Variants in ERC2 observed in about 807,000 individuals in gnomAD.
ERC2 encodes the protein ERC protein 2.
ERC2 carries 42 observed loss-of-function variants against 114.8 expected under a neutral mutation model. The ratio of observed to expected loss-of-function variants is 0.37; its 90% CI spans 0.29 to 0.47. The LOEUF is 0.47. Among genes scored for constraint, ERC2 ranks in the 20% least tolerant of loss-of-function variants. The pLI, the probability that ERC2 is intolerant of heterozygous loss-of-function variation, is 0.99. For missense variants in ERC2, 939 were observed against 1,150.7 expected, an observed-to-expected ratio of 0.82 and a Z score of 2.66; for synonymous variants, 454 against 425.5, an observed-to-expected ratio of 1.07 and a Z score of -0.82.
At chr3:56,317,136 A>T (rs2056902735) in intron 2 of ERC2, among the ~76,000 whole-genome samples, 1 of 152,230 alleles carries the variant, frequency 6.6e-6, no homozygotes, top group Admixed American at 6.5e-5. Flanking sequence ...GGGAATGTGT[A>T]CAAAGTGCTG....
chr3:56,394,237 T>C (rs1308632935), intron 2 of ERC2, among the ~76,000 whole-genome samples: 2 of 152,212 alleles, frequency 1.3e-5, no homozygotes, highest in South Asian at 2.1e-4. Flanking sequence ...AATAAAACTT[T>C]AATGAGAATC....
Position 55,683,996 on chromosome 3 carries a change from GA to G in ERC2, c.2848-138del, listed in dbSNP as rs1002663613. ...TTGTTTTTTAATCTTCAAGACTGAA[GA>G]AAAAAATCCATAGTAACTTAAATTC... On this transcript the variant is annotated intron_variant, in intron 16 of 17. Transcript: ENST00000288221. The G allele has an allele frequency of 1.7e-5, 16 of 917,610 alleles. No individual in the cohort carries two copies. The East Asian group carries it at 2.3e-4, about 13-fold the overall frequency. The allele number at this position is 917,610 out of a possible 1,614,324, so 56.8% of individuals were successfully genotyped here. A position where few individuals can be genotyped will look rare whatever the true frequency, so the allele number is the denominator to read the frequency against.
intron 16 of ERC2, among the ~76,000 whole-genome samples, chr3:55,696,024 C>T (rs145382689): frequency 1.3e-5 from 2 of 152,214 alleles, no homozygotes; most frequent in African/African-American, 4.8e-5. Flanking sequence ...CAAGGCTTTC[C>T]TCATGGGACT....
At chr3:55,707,207 C>A (rs1232364701) in intron 15 of ERC2, among the ~76,000 whole-genome samples, 1 of 152,018 alleles carries the variant, frequency 6.6e-6, no homozygotes, top group Non-Finnish European at 1.5e-5. Flanking sequence ...GCAGAGGCAG[C>A]CGGGTGGCTT....
At chr3:55,681,333 G>A (rs1399816257) in intron 17 of ERC2, among the ~76,000 whole-genome samples, 1 of 152,160 alleles carries the variant, frequency 6.6e-6, no homozygotes, top group African/African-American at 2.4e-5. Context: ...AGAGCCTTCC[G>A]ATGCTATTAT....
At chr3:55,891,360 G>A (rs2063586905) in intron 13 of ERC2, among the ~76,000 whole-genome samples, 1 of 150,996 alleles carries the variant, frequency 6.6e-6, no homozygotes, top group South Asian at 2.1e-4. Flanking sequence ...AACCTTTGTT[G>A]TGCTTTGCCT....
intron 14 of ERC2, among the ~76,000 whole-genome samples, chr3:55,790,321 G>A (rs78603653): frequency 0.029 from 4,420 of 152,150 alleles, 96 homozygotes; most frequent in Middle Eastern, 0.096. Context: ...CAGTTTCTCT[G>A]GAAGCGCTTC....
At chr3:56,030,066 G>A (rs578214737) in intron 7 of ERC2, among the ~76,000 whole-genome samples, 22 of 151,842 alleles carry the variant, frequency 1.4e-4, no homozygotes, top group Non-Finnish European at 2.9e-4. Context: ...TTCATCTTTC[G>A]ACTATGGGTT....
chr3:55,829,457 A>G (rs1356282806), intron 14 of ERC2, among the ~76,000 whole-genome samples: 1 of 152,224 alleles, frequency 6.6e-6, no homozygotes, highest in African/African-American at 2.4e-5. Flanking sequence ...CCAAAAAATA[A>G]AAGTGGAGAA....
At chr3:55,514,801 C>T (rs959737426) in intron 17 of ERC2, among the ~76,000 whole-genome samples, 10 of 152,202 alleles carry the variant, frequency 6.6e-5, no homozygotes, top group African/African-American at 2.4e-4. Context: ...TTTATGAGAT[C>T]CTAAGCAGAG....
intron 2 of ERC2, among the ~76,000 whole-genome samples, chr3:56,406,456 T>C (rs1560768117): frequency 6.6e-6 from 1 of 152,192 alleles, no homozygotes; most frequent in Non-Finnish European, 1.5e-5. Flanking sequence ...CCCCTTGTTG[T>C]AATTGTGGTG....
intron 3 of ERC2, among the ~76,000 whole-genome samples, chr3:56,276,193 G>A (rs1484122386): frequency 6.6e-6 from 1 of 152,214 alleles, no homozygotes. Context: ...ATTACAGACA[G>A]GGGTTCCAGA....
chr3:55,509,935 A>G lies in ERC2; in HGVS notation c.*1381T>C, dbSNP rs1000805133. 2 of 152,650 alleles carry G rather than the reference A, an allele frequency of 1.3e-5. No individual in the cohort carries two copies. The highest frequency in any genetic ancestry group is 4.8e-5 in the African/African-American group (2 of 41,454). The allele number at this position is 152,650 out of a possible 1,614,324, so 9.5% of individuals were successfully genotyped here. On this transcript the variant is annotated 3_prime_UTR_variant, in exon 18 of 18. Coordinates refer to ENST00000288221, the MANE Select transcript of ERC2 (RefSeq NM_015576.3). ...GCATACACGTGGAAGGGTTTCTTCC[A>G]TTGACAAGAAAATGGAGCAATACAA...
At chr3:56,164,729 T>G (rs2082236346) in intron 4 of ERC2, among the ~76,000 whole-genome samples, 1 of 152,060 alleles carries the variant, frequency 6.6e-6, no homozygotes, top group African/African-American at 2.4e-5. Flanking sequence ...ATGAGAATTC[T>G]AATTATTCAC....
At chr3:56,358,410 C>A (rs1165484553) in intron 2 of ERC2, among the ~76,000 whole-genome samples, 2 of 152,282 alleles carry the variant, frequency 1.3e-5, no homozygotes, top group East Asian at 3.9e-4. Flanking sequence ...AGAAGAGGCA[C>A]TATGACATAA....
chr3:55,650,841 GTT>G (rs57226729), intron 17 of ERC2, among the ~76,000 whole-genome samples: 22 of 146,488 alleles, frequency 1.5e-4, no homozygotes, highest in Non-Finnish European at 2.2e-4. Context: ...CTCATAGGGT[GTT>G]TTTTTTTTCT....
At chr3:55,676,194 A>C (rs2061801724) in intron 17 of ERC2, among the ~76,000 whole-genome samples, 1 of 151,618 alleles carries the variant, frequency 6.6e-6, no homozygotes, top group African/African-American at 2.4e-5. Context: ...AAGTGCTTGG[A>C]TTACAGGTGT....
intron 3 of ERC2, among the ~76,000 whole-genome samples, chr3:56,225,623 C>G (rs780264498): frequency 2.0e-5 from 3 of 152,158 alleles, no homozygotes; most frequent in Non-Finnish European, 4.4e-5. Flanking sequence ...CCTGAATCAC[C>G]CAACCCAAAC....
intron 2 of ERC2, among the ~76,000 whole-genome samples, chr3:56,308,659 C>T (rs151131668): frequency 1.1e-3 from 168 of 152,238 alleles, no homozygotes; most frequent in African/African-American, 3.8e-3. Flanking sequence ...TGACCTTAAG[C>T]TCTTTTCCAC....
Sources: gnomAD v4.1 joint callset for allele counts (sites outside exome capture counted in the v4.1 genomes callset) on GRCh38, gnomAD v4.1.1 for gene constraint, MANE v1.5 for transcripts, NCBI Gene and HGNC (gene_info 2026-07-23, HGNC 2026-07-21) for gene names.